Variants in ATP11A observed in about 807,000 individuals in gnomAD.
ATP11A encodes phospholipid-transporting ATPase IH.
Under a neutral mutation model 154.4 loss-of-function variants are expected in ATP11A, and 81 were observed. That is an observed-to-expected ratio of 0.52 (90% confidence interval 0.44 to 0.63). The LOEUF (loss-of-function observed/expected upper bound fraction) is 0.63, where lower values mean the gene tolerates loss of function less well. ATP11A is among the 30% of genes least tolerant of loss of function. The pLI, the probability that ATP11A is intolerant of heterozygous loss-of-function variation, is 0.00. For missense variants in ATP11A, 1,316 were observed against 1,474.3 expected, an observed-to-expected ratio of 0.89 and a Z score of 1.76; for synonymous variants, 623 against 585.9, an observed-to-expected ratio of 1.06 and a Z score of -0.91.
chr13:112,789,809 T>C (rs1004164684), intron 2 of ATP11A, among the ~76,000 whole-genome samples: 6 of 147,906 alleles, frequency 4.1e-5, no homozygotes, highest in African/African-American at 1.5e-4. Flanking sequence ...GAGACCTACT[T>C]AATTCACACC....
chr13:112,882,191 G>T lies in ATP11A; in HGVS notation c.*325G>T, dbSNP rs2080902868. 1.9e-5 allele frequency: 23 copies of T among 1,198,576 alleles called. No homozygotes were observed. Among genetic ancestry groups the T allele is most frequent in the Non-Finnish European group, 2.4e-5 (22 of 909,764 alleles). The allele number at this position is 1,198,576 out of a possible 1,614,324, so 74.2% of individuals were successfully genotyped here. On this transcript the variant is annotated 3_prime_UTR_variant, in exon 30 of 30. Coordinates refer to ENST00000375645, the MANE Select transcript of ATP11A (RefSeq NM_015205.3). The surrounding 1 kb of genome is among the most constrained non-coding windows in gnomAD (Gnocchi z 5.1). ...GCCGCCTGGACCCAGCACTGTGGTT[G>T]TTGAGCCACACCAGTGGCCTCTGGG... is the stretch of plus-strand genomic sequence containing the variant.
chr13:112,887,016 A>G lies in ATP11A; in HGVS notation c.*5150A>G, dbSNP rs1486847521. On this transcript the variant is annotated 3_prime_UTR_variant, in exon 30 of 30. Transcript: ENST00000375645. The stretch of plus-strand genomic sequence containing the variant: ...AACATTTCAGTAAAGTTTATTTTGT[A>G]TGCTTCTGTTTTTAACTTTTATTTC... The G allele has an allele frequency of 6.6e-6, 1 of 152,218 alleles. No homozygotes were observed. Among genetic ancestry groups the G allele is most frequent in the African/African-American group, 2.4e-5 (1 of 41,442 alleles). The allele number at this position is 152,218 out of a possible 1,614,324, so 9.4% of individuals were successfully genotyped here.
intron 26 of ATP11A, 152 bp downstream of exon 26, chr13:112,871,952 G>GA: frequency 1.3e-6 from 1 of 798,558 alleles, no homozygotes; most frequent in Non-Finnish European, 2.1e-6. Flanking sequence ...GGCACCCCTG[G>GA]GCATCCTTGT....
At position 112,788,376 on chromosome 13, in the gene ATP11A, T is replaced by TAA. The variant is rs113128747; in HGVS notation, c.162+3120_162+3121dup. 9.2e-4 allele frequency among the ~76,000 whole-genome samples: 134 copies of TAA among 145,922 alleles called. 2 individuals are homozygous for TAA. The highest frequency in any genetic ancestry group is 3.3e-3 in the African/African-American group (129 of 39,058). The stretch of plus-strand genomic sequence containing the variant: ...ACCTACTTAATTCACACCGGTGTCC[T>TAA]AATTCACACCGGTGTCCTGATGTAT... On this transcript the variant is annotated intron_variant, in intron 2 of 29. Coordinates refer to ENST00000375645, the MANE Select transcript of ATP11A (RefSeq NM_015205.3).
At chr13:112,711,550 C>T (rs1887756535) in intron 1 of ATP11A, among the ~76,000 whole-genome samples, 1 of 151,170 alleles carries the variant, frequency 6.6e-6, no homozygotes, top group Non-Finnish European at 1.5e-5. Flanking sequence ...GGGACGTCAC[C>T]GTAAACAGGC....
chr13:112,802,916 T>C (rs2078177159), intron 2 of ATP11A, among the ~76,000 whole-genome samples: 1 of 152,160 alleles, frequency 6.6e-6, no homozygotes, highest in South Asian at 2.1e-4. Flanking sequence ...TAAGGGTGTT[T>C]GGATGGGTAG....
chr13:112,785,547 C>T lies in ATP11A; in HGVS notation c.162+290C>T, dbSNP rs1414622891. Among the ~76,000 whole-genome samples, 1 of 152,104 alleles carries T rather than the reference C, an allele frequency of 6.6e-6. No individual in the cohort carries two copies. Among genetic ancestry groups the T allele is most frequent in the Admixed American group, 6.5e-5 (1 of 15,274 alleles). On this transcript the variant is annotated intron_variant, in intron 2 of 29. Transcript: ENST00000375645. This position sits in a 1 kb window ranked among gnomAD's most constrained non-coding sequence, Gnocchi z 4.8. ...GCAGGTCTGAAGTCCAGGATCCAAA[C>T]CCTACCCAGGTCCCACTTCTGAGGC...
chr13:112,710,566 C>T (rs375681662), intron 1 of ATP11A, among the ~76,000 whole-genome samples: 82 of 152,306 alleles, frequency 5.4e-4, no homozygotes, highest in African/African-American at 1.7e-3. Flanking sequence ...CTCCAGGAGG[C>T]GGCGGAGGCC....
rs963427524 is a variant in ATP11A at position 112,697,111 on chromosome 13, C to T, written c.39+6656C>T. On this transcript the variant is annotated intron_variant, in intron 1 of 29. Coordinates refer to ENST00000375645, the MANE Select transcript of ATP11A (RefSeq NM_015205.3). This position sits in a 1 kb window ranked among gnomAD's most constrained non-coding sequence, Gnocchi z 4.0. The stretch of plus-strand genomic sequence containing the variant: ...TGCGTGTCCAGCCTGAGGGGCGGCC[C>T]ACGCAGCAGCCTCTGGGAGCCCTGG... 2.6e-5 allele frequency among the ~76,000 whole-genome samples: 4 copies of T among 152,152 alleles called. No homozygotes were observed. The highest frequency in any genetic ancestry group is 5.9e-5 in the Non-Finnish European group (4 of 67,990).
chr13:112,693,605 T>C (rs1885451066), intron 1 of ATP11A, among the ~76,000 whole-genome samples: 2 of 151,862 alleles, frequency 1.3e-5, no homozygotes, highest in East Asian at 1.9e-4. Context: ...ATATGAGCCA[T>C]GGGGTAGTGC....
Position 112,690,528 on chromosome 13 carries a change from T to C in ATP11A, c.39+73T>C. The C allele has an allele frequency of 8.0e-7, 1 of 1,242,716 alleles. No homozygotes were observed. Among genetic ancestry groups the C allele is most frequent in the Admixed American group, 4.2e-5 (1 of 23,636 alleles). The allele number at this position is 1,242,716 out of a possible 1,614,324, so 77.0% of individuals were successfully genotyped here. On this transcript the variant is annotated intron_variant, in intron 1 of 29. Transcript: ENST00000375645. This position sits in a 1 kb window ranked among gnomAD's most constrained non-coding sequence, Gnocchi z 5.6. ...CGGGCCGGCCCCGCAGCCCGGACCC[T>C]GTGGCCGGTCCAGCCCCGGGGTCCC...
chr13:112,744,572 C>A (rs1209407848), intron 1 of ATP11A, among the ~76,000 whole-genome samples: 1 of 152,250 alleles, frequency 6.6e-6, no homozygotes, highest in East Asian at 1.9e-4. Context: ...CTCCCCGGCC[C>A]TCTGCTCACC....
In ATP11A at chr13:112,778,062, C is replaced by T. The variant is rs1346910797; in HGVS notation, c.40-7073C>T. 4.8e-5 allele frequency among the ~76,000 whole-genome samples: 7 copies of T among 147,276 alleles called. No homozygotes were observed. The East Asian group carries it at 1.2e-3, about 24-fold the overall frequency. On this transcript the variant is annotated intron_variant, in intron 1 of 29. Coordinates refer to ENST00000375645, the MANE Select transcript of ATP11A (RefSeq NM_015205.3). ...AACCCTGTGGCACTCCTTCCTGTTC[C>T]TTCTTCTACAGTCTTCCGTGTGAAT...
At chr13:112,871,116 C>T (rs943927218) in intron 25 of ATP11A, among the ~76,000 whole-genome samples, 7 of 152,304 alleles carry the variant, frequency 4.6e-5, no homozygotes, top group Non-Finnish European at 8.8e-5. Context: ...GAGGGAAGCC[C>T]CCAGGCTTCC....
At chr13:112,770,904 T>C (rs2077210483) in intron 1 of ATP11A, among the ~76,000 whole-genome samples, 1 of 152,220 alleles carries the variant, frequency 6.6e-6, no homozygotes, top group Non-Finnish European at 1.5e-5. Flanking sequence ...AAGAAGTGGC[T>C]GTGTCACTGG....
At chr13:112,817,320 T>C (rs1372195896) in intron 6 of ATP11A, among the ~76,000 whole-genome samples, 1 of 152,258 alleles carries the variant, frequency 6.6e-6, no homozygotes, top group Non-Finnish European at 1.5e-5. Context: ...AAGGATATGC[T>C]AGTCTTTCAT....
At chr13:112,831,932 GACACACAT>G (rs1345100500) in intron 13 of ATP11A, among the ~76,000 whole-genome samples, 7 of 137,570 alleles carry the variant, frequency 5.1e-5, no homozygotes, top group Admixed American at 7.2e-5. Flanking sequence ...TGCACACACA[GACACACAT>G]GCACACATGC....
chr13:112,841,192 C>A (rs1015304365), intron 16 of ATP11A, among the ~76,000 whole-genome samples: 1 of 147,774 alleles, frequency 6.8e-6, no homozygotes, highest in Non-Finnish European at 1.5e-5. Flanking sequence ...CAGGCACAAA[C>A]CAGCCGCCTG....
chr13:112,800,454 TATA>T (rs2078104542), intron 2 of ATP11A, among the ~76,000 whole-genome samples: 1 of 151,842 alleles, frequency 6.6e-6, no homozygotes, highest in Admixed American at 6.6e-5. Context: ...CAAGGAGAAA[TATA>T]ATCTGGGTGG....
Sources: allele counts gnomAD v4.1 joint callset (sites outside exome capture counted in the v4.1 genomes callset), GRCh38; gene constraint gnomAD v4.1.1; non-coding constraint Gnocchi (gnomAD v3.1); transcripts MANE v1.5; gene names NCBI Gene and HGNC (gene_info 2026-07-23, HGNC 2026-07-21).